Variants in CCDC92B observed in about 807,000 individuals in gnomAD.
CCDC92B encodes coiled-coil domain containing 92B.
Under a neutral mutation model 5.6 loss-of-function variants are expected in CCDC92B, and 2 were observed. The ratio of observed to expected loss-of-function variants is 0.36; its 90% CI spans 0.15 to 1.12. The LOEUF (loss-of-function observed/expected upper bound fraction) is 1.12. Among genes scored for constraint, CCDC92B ranks in the 50% most tolerant of loss-of-function variants. CCDC92B has a pLI of 0.40. For synonymous variants in CCDC92B, 115 were observed against 122.3 expected (o/e 0.94, Z 0.39); for missense variants, 271 against 262.2 (o/e 1.03, Z -0.23).
intron 2 of CCDC92B, among the ~76,000 whole-genome samples, chr17:2,733,743 G>GTTTTTTTTTTTTTTTTTTTTTT (rs1567614345): frequency 1.2e-5 from 1 of 81,562 alleles, no homozygotes; most frequent in African/African-American, 5.2e-5. Flanking sequence ...AGGACCACTG[G>GTTTTTTTTTTTTTTTTTTTTTT]CTTTTTTTTT....
chr17:2,731,948 C>T (rs546817636), intron 2 of CCDC92B, among the ~76,000 whole-genome samples: 1 of 152,218 alleles, frequency 6.6e-6, no homozygotes, highest in Non-Finnish European at 1.5e-5. Flanking sequence ...TATAGATGAG[C>T]GTGCTGTGAG....
intron 3 of CCDC92B, among the ~76,000 whole-genome samples, chr17:2,726,737 C>T (rs1031232261): frequency 5.9e-5 from 9 of 151,700 alleles, no homozygotes; most frequent in South Asian, 4.2e-4. Flanking sequence ...CCTCAGCCTC[C>T]GGAGTAGCTG....
intron 2 of CCDC92B, among the ~76,000 whole-genome samples, chr17:2,734,261 C>A (rs188232280): frequency 8.5e-5 from 13 of 152,140 alleles, no homozygotes; most frequent in African/African-American, 3.1e-4. Context: ...AGCACCCCCT[C>A]CTCTGGGGAG....
chr17:2,730,836 C>T (rs536784809), intron 2 of CCDC92B, among the ~76,000 whole-genome samples: 102 of 152,226 alleles, frequency 6.7e-4, no homozygotes, highest in Admixed American at 3.5e-3. Context: ...ATCTGCCTTT[C>T]CTGGGGTGAT....
Position 2,722,628 on chromosome 17 carries a change from T to G in CCDC92B, c.*1783A>C, listed in dbSNP as rs895455614. 6.6e-6 allele frequency: 1 copy of G among 152,240 alleles called. No individual in the cohort carries two copies. Among genetic ancestry groups the G allele is most frequent in the Non-Finnish European group, 1.5e-5 (1 of 68,072 alleles). 9.4% of individuals were successfully genotyped at this position (152,240 alleles called of 1,614,324 possible). ...GGGTGTGATCTGGGACTCCCCCTTC[T>G]TCATGGGGCTGTGATGGGAGAAGAG... On this transcript the variant is annotated 3_prime_UTR_variant, in exon 4 of 4. Transcript: ENST00000614400.
intron 3 of CCDC92B, among the ~76,000 whole-genome samples, chr17:2,729,827 T>C (rs2070774113): frequency 1.3e-5 from 2 of 152,208 alleles, no homozygotes; most frequent in South Asian, 4.1e-4. Flanking sequence ...ACAAATATTT[T>C]AGAGGAATTT....
In CCDC92B at chr17:2,748,360, T is replaced by C. The variant is rs924070556; in HGVS notation, c.-24+1051A>G. 4.1e-6 allele frequency: 4 copies of C among 984,624 alleles called. No homozygotes were observed. The African/African-American group carries it at 7.0e-5, about 17-fold the overall frequency. The allele number at this position is 984,624 out of a possible 1,614,324, so 61.0% of individuals were successfully genotyped here. On this transcript the variant is annotated intron_variant, in intron 1 of 3. Coordinates refer to ENST00000614400, the MANE Select transcript of CCDC92B (RefSeq NM_001355573.2). ...ATGGAACGACTCTCTCCCGCCTCTC[T>C]GTTCCCCAGGCAATTTGTTGGAATC...
At chr17:2,739,418 T>C (rs959305044) in intron 1 of CCDC92B, among the ~76,000 whole-genome samples, 5 of 145,550 alleles carry the variant, frequency 3.4e-5, no homozygotes, top group South Asian at 2.2e-4. Context: ...CGGTGGCTCA[T>C]GCCTGTAATC....
chr17:2,728,476 G>T (rs1194031167), intron 3 of CCDC92B, among the ~76,000 whole-genome samples: 1 of 152,042 alleles, frequency 6.6e-6, no homozygotes, highest in African/African-American at 2.4e-5. Flanking sequence ...CGTGGTGGCG[G>T]GCGCCTGTAG....
Position 2,722,250 on chromosome 17 carries a change from G to A in CCDC92B, c.*2161C>T, listed in dbSNP as rs1414855118. 6.6e-6 allele frequency: 1 copy of A among 152,148 alleles called. No individual in the cohort carries two copies. The allele number at this position is 152,148 out of a possible 1,614,324, so 9.4% of individuals were successfully genotyped here. On this transcript the variant is annotated 3_prime_UTR_variant, in exon 4 of 4. Coordinates refer to ENST00000614400, the MANE Select transcript of CCDC92B (RefSeq NM_001355573.2). ...ACACAAGACAGGTTCTGAAAGGGAG[G>A]GGGACAGAATAGGGGTGCAGTGAGT...
At chr17:2,746,371 C>T (rs1042222918) in intron 1 of CCDC92B, among the ~76,000 whole-genome samples, 8 of 152,190 alleles carry the variant, frequency 5.3e-5, no homozygotes, top group African/African-American at 1.7e-4. Context: ...ACAAGGTTCA[C>T]AATTTATAGG....
rs990910940 is a variant in CCDC92B at position 2,728,579 on chromosome 17, G to A, written c.178+1867C>T. ...GACCGCACCACTGCACTCCAGCCTG[G>A]GCGACAGAGCGAGACTCCGTCTCAA... On this transcript the variant is annotated intron_variant, in intron 3 of 3. Transcript: ENST00000614400. 5.9e-5 allele frequency among the ~76,000 whole-genome samples: 9 copies of A among 151,656 alleles called. No homozygotes were observed. The East Asian group carries it at 9.7e-4, about 16-fold the overall frequency.
intron 1 of CCDC92B, among the ~76,000 whole-genome samples, chr17:2,736,089 C>G (rs530901732): frequency 1.3e-5 from 2 of 152,166 alleles, no homozygotes; most frequent in Non-Finnish European, 2.9e-5. Context: ...GAATGTTTCA[C>G]TAACACTGAC....
chr17:2,723,793 TC>T lies in CCDC92B; in HGVS notation c.*617del. 4.2e-6 allele frequency: 1 copy of T among 235,958 alleles called. No individual in the cohort carries two copies. The highest frequency in any genetic ancestry group is 6.9e-6 in the Non-Finnish European group (1 of 144,476). The allele number at this position is 235,958 out of a possible 1,614,324, so 14.6% of individuals were successfully genotyped here. ...TCCCAGGGCCCATGGAAGTTAGGCT[TC>T]CATCAGGCGCACTTTTCCCACCAGG... is the stretch of plus-strand genomic sequence containing the variant. On this transcript the variant is annotated 3_prime_UTR_variant, in exon 4 of 4. Transcript: ENST00000614400.
chr17:2,724,566 C>G lies in CCDC92B; in HGVS notation c.613G>C (p.Asp205His), dbSNP rs1490367809. The G allele has an allele frequency of 2.0e-6, 2 of 981,572 alleles. No individual in the cohort carries two copies. Among genetic ancestry groups the G allele is most frequent in the Non-Finnish European group, 2.4e-6 (2 of 828,460 alleles). 60.8% of individuals were successfully genotyped at this position (981,572 alleles called of 1,614,324 possible). Residue 205 changes from aspartate (D) to histidine (H), a missense_variant, in exon 4 of 4, where the codon GAC (aspartate) becomes CAC (histidine). Asp to His is a moderately conservative substitution (Grantham distance 81). Coordinates refer to ENST00000614400, the MANE Select transcript of CCDC92B (RefSeq NM_001355573.2). The surrounding 1 kb of genome is among the most constrained non-coding windows in gnomAD (Gnocchi z 5.0). ...AAGAGCGCGGGGTCGGGCATGGGGT[C>G]GGCGTCGTCGAGGGCGCCGGCCCCG... ...DRGAGALDDA[D>H]PMPDPALFLY...
At chr17:2,725,399 AAAAC>A (rs1380222514) in intron 3 of CCDC92B, among the ~76,000 whole-genome samples, 2 of 151,640 alleles carry the variant, frequency 1.3e-5, no homozygotes, top group Non-Finnish European at 2.9e-5. Flanking sequence ...CAAAAACAAA[AAAAC>A]AAAACAAAGC....
At chr17:2,733,637 C>T (rs923755995) in intron 2 of CCDC92B, among the ~76,000 whole-genome samples, 12 of 151,840 alleles carry the variant, frequency 7.9e-5, no homozygotes, top group African/African-American at 2.9e-4. Context: ...TCTTGTCCCC[C>T]AGGCTGGCCT....
Position 2,735,185 on chromosome 17 carries a change from G to A in CCDC92B, c.-23-17C>T, listed in dbSNP as rs1008041676. On this transcript the variant is annotated splice_polypyrimidine_tract_variant and intron_variant, in intron 1 of 3. Transcript: ENST00000614400. ...GGGCCCCACCTAGGGAGGACGACAA[G>A]GTGAACCCACCTCTTCTGAGCCCAT... 4 of 985,504 alleles carry A rather than the reference G, an allele frequency of 4.1e-6. No individual in the cohort carries two copies. The African/African-American group carries it at 5.2e-5, about 13-fold the overall frequency. The allele number at this position is 985,504 out of a possible 1,614,324, so 61.0% of individuals were successfully genotyped here.
At position 2,724,265 on chromosome 17, in the gene CCDC92B, G is replaced by C. The variant is rs966144704; in HGVS notation, c.*146C>G. Reference sequence around the variant, plus strand: ...GAAGTACAAAAGGCTGGCGGTTCGGGGATTTGGGGGGAGCCGGGGCCGCCT... The same window carrying C: ...GAAGTACAAAAGGCTGGCGGTTCGGCGATTTGGGGGGAGCCGGGGCCGCCT... On this transcript the variant is annotated 3_prime_UTR_variant, in exon 4 of 4. Coordinates refer to ENST00000614400, the MANE Select transcript of CCDC92B (RefSeq NM_001355573.2). This position sits in a 1 kb window ranked among gnomAD's most constrained non-coding sequence, Gnocchi z 5.0. The C allele has an allele frequency of 1.3e-5, 13 of 985,360 alleles. No homozygotes were observed. In the East Asian group the frequency reaches 5.7e-4, roughly 43 times the overall value. The allele number at this position is 985,360 out of a possible 1,614,324, so 61.0% of individuals were successfully genotyped here.
Sources: allele counts gnomAD v4.1 joint callset (sites outside exome capture counted in the v4.1 genomes callset), GRCh38; gene constraint gnomAD v4.1.1; non-coding constraint Gnocchi (gnomAD v3.1); transcripts MANE v1.5; gene names NCBI Gene and HGNC (gene_info 2026-07-23, HGNC 2026-07-21).